The following CNGB1 variants were observed in gnomAD, a reference collection of about 807,000 sequenced individuals.
CNGB1 encodes cyclic nucleotide-gated channel beta-1.
Under a neutral mutation model 151.7 loss-of-function variants are expected in CNGB1, and 126 were observed. The observed-to-expected ratio is 0.83, with a 90% CI of 0.72 to 0.96. CNGB1 has a LOEUF of 0.96. CNGB1 is among the 40% of genes least tolerant of loss of function. The pLI, the probability that CNGB1 is intolerant of heterozygous loss-of-function variation, is 0.00. For missense variants in CNGB1, 1,698 were observed against 1,627.0 expected (o/e 1.04, Z -0.75); for synonymous variants, 623 against 635.1 (o/e 0.98, Z 0.29).
chr16:57,916,374 G>A (rs1182974002), intron 21 of CNGB1, among the ~76,000 whole-genome samples, 195 bp from the exon 22 acceptor site: 1 of 152,134 alleles, frequency 6.6e-6, no homozygotes, highest in African/African-American at 2.4e-5. Context: ...ATCTGTTCTG[G>A]TCACCCAGCT....
intron 1 of CNGB1, among the ~76,000 whole-genome samples, chr16:57,968,710 T>A (rs1256516585): frequency 1.3e-5 from 2 of 152,074 alleles, no homozygotes; most frequent in African/African-American, 4.8e-5. Context: ...AAACTTAACC[T>A]ATGTTCATCA....
At chr16:57,906,593 G>A (rs2149359904) in intron 25 of CNGB1, among the ~76,000 whole-genome samples, 1 of 152,306 alleles carries the variant, frequency 6.6e-6, no homozygotes, top group East Asian at 1.9e-4. Flanking sequence ...CCCAAAACGG[G>A]CCTGTCAAGC....
At position 57,920,395 on chromosome 16, in the gene CNGB1, G is replaced by A. The variant is rs1330854931; in HGVS notation, c.1793C>T (p.Pro598Leu). The A allele has an allele frequency of 6.2e-7, 1 of 1,614,158 alleles. No homozygotes were observed. The stretch of plus-strand genomic sequence containing the variant: ...TCCAGCTCCAGACTCACAGGGCTTG[G>A]GGCTCTCCTCATCAGAGGTGACGTC... ...DPDVTSDEES[P>L]KPSPAKKAPE... The change falls in exon 19 of 33, where the codon CCC (proline) becomes CTC (leucine). Residue 598 changes from proline (P) to leucine (L), a missense_variant. Transcript: ENST00000251102.
intron 15 of CNGB1, 75 bp from the exon 16 acceptor site, chr16:57,939,667 C>T: frequency 3.1e-6 from 5 of 1,598,344 alleles, no homozygotes; most frequent in Non-Finnish European, 4.3e-6. Context: ...CCTGTTAGAT[C>T]TGCCTTCAGA....
At chr16:57,902,443 T>A (rs1211994173) in intron 27 of CNGB1, among the ~76,000 whole-genome samples, 1 of 152,152 alleles carries the variant, frequency 6.6e-6, no homozygotes, top group African/African-American at 2.4e-5. Flanking sequence ...ATAAAATTTT[T>A]AAAATACTTT....
chr16:57,967,174 T>C lies in CNGB1; in HGVS notation c.113A>G (p.Glu38Gly), dbSNP rs752223353. Reference protein sequence around the residue: ...EPEPEMEAEVEPEPNPEEAET... With the variant: ...EPEPEMEAEVGPEPNPEEAET... ...GGCCTCCTCAGGATTCGGTTCTGGT[T>C]CCACCTCCGCCTCCATCTCTGGCTC... is the stretch of plus-strand genomic sequence containing the variant. Residue 38 changes from glutamate to glycine, a missense_variant, in exon 2 of 33, where the codon GAA becomes GGA. By Grantham distance (98) the Glu-to-Gly change is moderately conservative (BLOSUM62 -2). Transcript: ENST00000251102. The C allele has an allele frequency of 6.2e-7, 1 of 1,614,154 alleles. No homozygotes were observed. The highest frequency in any genetic ancestry group is 1.1e-5 in the South Asian group (1 of 91,078).
At chr16:57,893,816 A>G in intron 31 of CNGB1, among the ~76,000 whole-genome samples, 1 of 152,286 alleles carries the variant, frequency 6.6e-6, no homozygotes, top group East Asian at 1.9e-4. Context: ...AAAAAAACAA[A>G]AAAAATTTAC....
At position 57,888,153 on chromosome 16, in the gene CNGB1, A is replaced by G. The variant is rs955969904; in HGVS notation, c.3243-79T>C. The G allele has an allele frequency of 6.2e-6, 9 of 1,440,866 alleles. No individual in the cohort carries two copies. In the African/African-American group the frequency reaches 1.3e-4, roughly 20 times the overall value. 89.3% of individuals were successfully genotyped at this position (1,440,866 alleles called of 1,614,324 possible). A position where few individuals can be genotyped will look rare whatever the true frequency, so the allele number is the denominator to read the frequency against. ...AGACTCGCTTCTGCAGCCTCCTTTA[A>G]GCTGGAGCTGTGTAGTGGTGGTGAT... is the stretch of plus-strand genomic sequence containing the variant. On this transcript the variant is annotated intron_variant, in intron 31 of 32. Coordinates refer to ENST00000251102, the MANE Select transcript of CNGB1 (RefSeq NM_001297.5).
At position 57,964,605 on chromosome 16, in the gene CNGB1, G is replaced by A. The variant is rs1311891392; in HGVS notation, c.160-61C>T. 22 of 1,558,426 alleles carry A rather than the reference G, an allele frequency of 1.4e-5. No homozygotes were observed. In the African/African-American group the frequency reaches 1.9e-4, roughly 13 times the overall value. On this transcript the variant is annotated intron_variant, in intron 2 of 32. Coordinates refer to ENST00000251102, the MANE Select transcript of CNGB1 (RefSeq NM_001297.5). ...TGAGACCAGCCTGGTTTGGACAGGG[G>A]CAGCCTGATTCTCCCTCAAGGGATC...
At chr16:57,893,319 C>T (rs1960143603) in intron 31 of CNGB1, among the ~76,000 whole-genome samples, 1 of 152,092 alleles carries the variant, frequency 6.6e-6, no homozygotes. Flanking sequence ...TGCAGTGGCA[C>T]GATCATAACT....
In CNGB1 at chr16:57,920,517, GGCCGTGGAGGCC is replaced by G. The variant is rs769138379; in HGVS notation, c.1659_1670del (p.Ala554_Ala557del). 6.2e-6 allele frequency: 10 copies of G among 1,613,678 alleles called. No individual in the cohort carries two copies. In the South Asian group the frequency reaches 1.1e-4, roughly 18 times the overall value. On this transcript the variant is annotated inframe_deletion, in exon 19 of 33. Transcript: ENST00000251102. ...CGTTGATGATGGCGCTATTTGTGCT[GGCCGTGGAGGCC>G]GCACGGTCCTGGCCACTGTGGGAAC...
chr16:57,916,245 T>C, intron 21 of CNGB1, 66 bp from the exon 22 acceptor site: 3 of 1,487,106 alleles, frequency 2.0e-6, no homozygotes, highest in Admixed American at 3.3e-5. Flanking sequence ...TGTGGAGCAA[T>C]TGTGAAACTT....
chr16:57,945,140 G>T (rs1190749019), intron 14 of CNGB1, among the ~76,000 whole-genome samples: 1 of 152,106 alleles, frequency 6.6e-6, no homozygotes, highest in East Asian at 1.9e-4. Context: ...CCTGTGCAAG[G>T]TGGGCCTGGA....
At chr16:57,888,534 T>A (rs763428404) in intron 31 of CNGB1, among the ~76,000 whole-genome samples, 16 of 152,056 alleles carry the variant, frequency 1.1e-4, no homozygotes, top group Admixed American at 6.6e-4. Flanking sequence ...AGTGGCGTGA[T>A]CATGGCTTAC....
At chr16:57,930,180 A>G (rs1450245360) in intron 17 of CNGB1, among the ~76,000 whole-genome samples, 2 of 152,116 alleles carry the variant, frequency 1.3e-5, no homozygotes, top group African/African-American at 4.8e-5. Flanking sequence ...TGGAAACAAT[A>G]TAAATGTCCA....
intron 22 of CNGB1, among the ~76,000 whole-genome samples, chr16:57,915,572 C>T (rs1459922237): frequency 1.3e-5 from 2 of 152,144 alleles, no homozygotes; most frequent in African/African-American, 4.8e-5. Context: ...CTGTGCCATA[C>T]AGTAAGGGGC....
intron 2 of CNGB1, among the ~76,000 whole-genome samples, chr16:57,965,834 C>G (rs1402135904): frequency 6.6e-6 from 1 of 152,164 alleles, no homozygotes; most frequent in Non-Finnish European, 1.5e-5. Flanking sequence ...CATATACATG[C>G]ATTCATGTAC....
chr16:57,967,130 TGG>T lies in CNGB1; in HGVS notation c.155_156del (p.Ser52TyrfsTer39). On this transcript the variant is annotated frameshift_variant, in exon 2 of 33. Coordinates refer to ENST00000251102, the MANE Select transcript of CNGB1 (RefSeq NM_001297.5). LOFTEE classifies it high-confidence loss of function. ...CCTCCTCCCGCTCTACCTCTCACCA[TGG>T]ACTCGGACTCTGTCTCGGCCTCCTC... The part of the protein sequence containing the change: ...NPEEAETESE[S>X]MPPEESFKEE... 1 of 1,614,170 alleles carries T rather than the reference TGG, an allele frequency of 6.2e-7. No homozygotes were observed. Among genetic ancestry groups the T allele is most frequent in the Non-Finnish European group, 8.5e-7 (1 of 1,180,028 alleles).
rs760874746 is a variant in CNGB1 at position 57,964,540 on chromosome 16, G to A, written c.164C>T (p.Pro55Leu). ...EAETESESMP[P>L]EESFKEEEVA... ...TTCCTCCTCCTTGAATGACTCTTCG[G>A]GGGGCTAGAGGGTTCGAACAGGATC... Residue 55 changes from proline (P) to leucine (L), a missense_variant, in exon 3 of 33, where the codon CCC becomes CTC. Coordinates refer to ENST00000251102, the MANE Select transcript of CNGB1 (RefSeq NM_001297.5). 4 of 1,614,122 alleles carry A rather than the reference G, an allele frequency of 2.5e-6. No homozygotes were observed. Among genetic ancestry groups the A allele is most frequent in the South Asian group, 2.2e-5 (2 of 91,082 alleles).
Sources: gnomAD v4.1 joint callset for allele counts (sites outside exome capture counted in the v4.1 genomes callset) on GRCh38, gnomAD v4.1.1 for gene constraint, MANE v1.5 for transcripts, NCBI Gene and HGNC (gene_info 2026-07-23, HGNC 2026-07-21) for gene names.